Variants in DRC11 observed in about 807,000 individuals in gnomAD.
The protein encoded by DRC11 is dynein regulatory complex subunit 11.
the DRC11 span, chr2:236,332,587 C>T: frequency 6.6e-6 from 1 of 152,176 alleles, no homozygotes; most frequent in Non-Finnish European, 1.5e-5. The surrounding 1 kb of genome is among the most constrained non-coding windows in gnomAD (Gnocchi z 5.1). Context: ...CCATGACTAC[C>T]TGATCTGAGC....
chr2:236,458,656 C>T, the DRC11 span, among the ~76,000 whole-genome samples: 1,404 of 152,198 alleles, frequency 9.2e-3, 29 homozygotes, highest in African/African-American at 0.031. Context: ...AGGGGGCATT[C>T]GCTGGCAGAA....
chr2:236,427,854 T>C, the DRC11 span, among the ~76,000 whole-genome samples: 1 of 152,154 alleles, frequency 6.6e-6, no homozygotes, highest in Non-Finnish European at 1.5e-5. This position sits in a 1 kb window ranked among gnomAD's most constrained non-coding sequence, Gnocchi z 5.9. Flanking sequence ...TCTTCTTTTA[T>C]GGTGTAGGCA....
At chr2:236,423,472 T>A in the DRC11 span, among the ~76,000 whole-genome samples, 493 of 152,262 alleles carry the variant, frequency 3.2e-3, 1 homozygote, top group Middle Eastern at 6.8e-3. Context: ...ACTGGCCATC[T>A]GAGAAATGCA....
the DRC11 span, among the ~76,000 whole-genome samples, chr2:236,310,496 G>C: frequency 6.6e-6 from 1 of 152,186 alleles, no homozygotes; most frequent in Non-Finnish European, 1.5e-5. The surrounding 1 kb of genome is among the most constrained non-coding windows in gnomAD (Gnocchi z 5.5). Context: ...TATGTATCAT[G>C]CAAGATTCAA....
the DRC11 span, among the ~76,000 whole-genome samples, chr2:236,383,973 G>T: frequency 6.6e-6 from 1 of 151,966 alleles, no homozygotes; most frequent in Non-Finnish European, 1.5e-5. Context: ...TTTCATCCAT[G>T]TCCCTACAAA....
the DRC11 span, among the ~76,000 whole-genome samples, chr2:236,414,893 C>A: frequency 6.6e-6 from 1 of 152,128 alleles, no homozygotes; most frequent in Non-Finnish European, 1.5e-5. Context: ...CCATGACAAT[C>A]CTGCTCTTTC....
At chr2:236,491,580 T>C in the DRC11 span, among the ~76,000 whole-genome samples, 2 of 152,064 alleles carry the variant, frequency 1.3e-5, no homozygotes, top group African/African-American at 4.8e-5. Context: ...CCTTCTCCAT[T>C]TTCCAACACA....
At chr2:236,362,421 A>G in the DRC11 span, among the ~76,000 whole-genome samples, 20 of 152,178 alleles carry the variant, frequency 1.3e-4, 1 homozygote, top group African/African-American at 4.6e-4. The surrounding 1 kb of genome is among the most constrained non-coding windows in gnomAD (Gnocchi z 5.7). Flanking sequence ...GAAGACCTCT[A>G]TGATGATCCA....
the DRC11 span, among the ~76,000 whole-genome samples, chr2:236,347,625 G>A: frequency 2.5e-3 from 374 of 151,542 alleles, no homozygotes; most frequent in Non-Finnish European, 3.9e-3. Flanking sequence ...GGTAACTCAG[G>A]AATGGAAAAC....
the DRC11 span, among the ~76,000 whole-genome samples, chr2:236,352,260 G>A: frequency 6.6e-6 from 1 of 152,164 alleles, no homozygotes; most frequent in Non-Finnish European, 1.5e-5. This position sits in a 1 kb window ranked among gnomAD's most constrained non-coding sequence, Gnocchi z 7.0. Context: ...GGTCACTGGT[G>A]GCCTTGGCGG....
chr2:236,396,609 T>A, the DRC11 span, among the ~76,000 whole-genome samples: 1 of 152,236 alleles, frequency 6.6e-6, no homozygotes, highest in South Asian at 2.1e-4. Flanking sequence ...CATGGGAGCA[T>A]TAGATTTCTC....
chr2:236,423,309 A>G, the DRC11 span, among the ~76,000 whole-genome samples: 1 of 152,112 alleles, frequency 6.6e-6, no homozygotes, highest in Non-Finnish European at 1.5e-5. Flanking sequence ...TCATCTGACA[A>G]AGGGCTAATA....
the DRC11 span, among the ~76,000 whole-genome samples, chr2:236,370,692 A>C: frequency 6.6e-6 from 1 of 152,094 alleles, no homozygotes; most frequent in African/African-American, 2.4e-5. The surrounding 1 kb of genome is among the most constrained non-coding windows in gnomAD (Gnocchi z 5.5). Flanking sequence ...TAAAGAAAAT[A>C]AGGAACTTGC....
At chr2:236,490,020 A>G in the DRC11 span, among the ~76,000 whole-genome samples, 1 of 152,352 alleles carries the variant, frequency 6.6e-6, no homozygotes, top group East Asian at 1.9e-4. The surrounding 1 kb of genome is among the most constrained non-coding windows in gnomAD (Gnocchi z 5.5). Context: ...TTGCCACAGT[A>G]GGACAATGTG....
At chr2:236,423,868 G>C in the DRC11 span, among the ~76,000 whole-genome samples, 2 of 152,058 alleles carry the variant, frequency 1.3e-5, no homozygotes, top group Admixed American at 1.3e-4. Context: ...ATACTATGCA[G>C]CCATAAAAAA....
the DRC11 span, among the ~76,000 whole-genome samples, chr2:236,456,401 G>A: frequency 1.3e-5 from 2 of 152,114 alleles, no homozygotes; most frequent in East Asian, 3.9e-4. This position sits in a 1 kb window ranked among gnomAD's most constrained non-coding sequence, Gnocchi z 5.4. Context: ...CTGCCCCTCT[G>A]CATGTGTGTG....
At chr2:236,440,989 A>C in the DRC11 span, 1 of 1,137,798 alleles carries the variant, frequency 8.8e-7, no homozygotes, top group Non-Finnish European at 1.3e-6. Flanking sequence ...TTAAAGTTTA[A>C]AGAAATGTCA....
the DRC11 span, among the ~76,000 whole-genome samples, chr2:236,326,403 T>C: frequency 5.3e-5 from 8 of 152,216 alleles, no homozygotes; most frequent in Non-Finnish European, 1.0e-4. Context: ...CCTTCTTGTT[T>C]TTTTGTGCTG....
the DRC11 span, chr2:236,507,442 T>C: frequency 4.5e-6 from 3 of 663,238 alleles, no homozygotes; most frequent in Non-Finnish European, 7.9e-6. Context: ...CAGGAAAAGG[T>C]GAGGCCGGGT....
Sources: allele counts gnomAD v4.1 joint callset (sites outside exome capture counted in the v4.1 genomes callset), GRCh38; gene constraint gnomAD v4.1.1; non-coding constraint Gnocchi (gnomAD v3.1); transcripts MANE v1.5; gene names NCBI Gene and HGNC (gene_info 2026-07-23, HGNC 2026-07-21).